ARHGAP15: variants seen among roughly 807,000 people sequenced by gnomAD.
ARHGAP15 encodes Rho GTPase activating protein 15.
ARHGAP15 carries 51 observed loss-of-function variants against 63.7 expected under a neutral mutation model. The ratio of observed to expected loss-of-function variants is 0.80; its 90% confidence interval spans 0.64 to 1.01. The LOEUF is 1.01. Among genes scored for constraint, ARHGAP15 ranks in the 50% least tolerant of loss-of-function variants. The pLI, the probability that ARHGAP15 is intolerant of heterozygous loss-of-function variation, is 0.00. For missense variants in ARHGAP15, 560 were observed against 564.6 expected, an observed-to-expected ratio of 0.99 and a Z score of 0.08; for synonymous variants, 191 against 193.8, an observed-to-expected ratio of 0.99 and a Z score of 0.12.
At chr2:143,307,972 T>C (rs1683254198) in intron 6 of ARHGAP15, among the ~76,000 whole-genome samples, 1 of 152,170 alleles carries the variant, frequency 6.6e-6, no homozygotes, top group Non-Finnish European at 1.5e-5. Context: ...CACAGTTTTA[T>C]ACCTTTCTTG....
chr2:143,677,062 T>A (rs1489781140), intron 12 of ARHGAP15, among the ~76,000 whole-genome samples: 1 of 152,248 alleles, frequency 6.6e-6, no homozygotes, highest in Non-Finnish European at 1.5e-5. Flanking sequence ...ATTTATGGTA[T>A]GTTTCAGTTT....
chr2:143,444,944 G>A (rs1690062043), intron 8 of ARHGAP15, among the ~76,000 whole-genome samples: 1 of 151,912 alleles, frequency 6.6e-6, no homozygotes, highest in African/African-American at 2.4e-5. Context: ...TCTTTCTTTG[G>A]TTATTTAAGT....
At position 143,638,092 on chromosome 2, in the gene ARHGAP15, G is replaced by A. The variant is rs1389869477; in HGVS notation, c.1138+13825G>A. On this transcript the variant is annotated intron_variant, in intron 12 of 13. Coordinates refer to ENST00000295095, the MANE Select transcript of ARHGAP15 (RefSeq NM_018460.4). ...TTCAACCATTGTGGAAGTCAGTGTG[G>A]CGATTCCTCAGGGATCTAGAACTGG... 2.1e-5 allele frequency among the ~76,000 whole-genome samples: 3 copies of A among 143,788 alleles called. No individual in the cohort carries two copies. In the Admixed American group the frequency reaches 2.1e-4, roughly 10 times the overall value. 94.3% of individuals were successfully genotyped at this position (143,788 alleles called of 152,430 possible). A position where few individuals can be genotyped will look rare whatever the true frequency, so the allele number is the denominator to read the frequency against.
chr2:143,494,407 C>T (rs983658130), intron 9 of ARHGAP15, among the ~76,000 whole-genome samples: 2 of 152,058 alleles, frequency 1.3e-5, no homozygotes, highest in Admixed American at 1.3e-4. Flanking sequence ...ACTGTGTTGA[C>T]CACTCTACTC....
In ARHGAP15 at chr2:143,709,156, AAAAT is replaced by A. The variant is rs1311581369; in HGVS notation, c.1244+5640_1244+5643del. On this transcript the variant is annotated intron_variant, in intron 13 of 13. Coordinates refer to ENST00000295095, the MANE Select transcript of ARHGAP15 (RefSeq NM_018460.4). ...TAATACATAATTATGGAAAATTTAG[AAAAT>A]AAATAAAGTCTTTCCACAGAGCTAA... Among the ~76,000 whole-genome samples the A allele has an allele frequency of 6.6e-5, 10 of 152,308 alleles. No homozygotes were observed. In the East Asian group the frequency reaches 1.2e-3, roughly 18 times the overall value.
chr2:143,538,922 T>C (rs1370473562), intron 10 of ARHGAP15, among the ~76,000 whole-genome samples: 3 of 152,210 alleles, frequency 2.0e-5, no homozygotes, highest in South Asian at 4.2e-4. Context: ...ATTCCCTCTT[T>C]TTCTCTTGAT....
At chr2:143,735,337 C>T (rs756375126) in intron 13 of ARHGAP15, among the ~76,000 whole-genome samples, 1 of 152,124 alleles carries the variant, frequency 6.6e-6, no homozygotes, top group South Asian at 2.1e-4. Flanking sequence ...GAAAATTCCA[C>T]AATCAGACGT....
At chr2:143,672,482 G>T (rs904333413) in intron 12 of ARHGAP15, among the ~76,000 whole-genome samples, 1 of 152,126 alleles carries the variant, frequency 6.6e-6, no homozygotes, top group African/African-American at 2.4e-5. Flanking sequence ...TGTCACTACA[G>T]ATATTTTGTG....
intron 6 of ARHGAP15, among the ~76,000 whole-genome samples, chr2:143,301,338 C>T (rs1407544461): frequency 6.6e-6 from 1 of 151,814 alleles, no homozygotes; most frequent in Non-Finnish European, 1.5e-5. Flanking sequence ...TCAGTATTTG[C>T]CTCTTGTCAT....
intron 6 of ARHGAP15, among the ~76,000 whole-genome samples, chr2:143,385,885 A>G (rs191438820): frequency 6.6e-6 from 1 of 152,292 alleles, no homozygotes; most frequent in Admixed American, 6.5e-5. Context: ...CAGAAGAGAC[A>G]GAACTATAAG....
At chr2:143,680,794 G>A (rs1163586159) in intron 12 of ARHGAP15, among the ~76,000 whole-genome samples, 1 of 152,124 alleles carries the variant, frequency 6.6e-6, no homozygotes, top group Admixed American at 6.6e-5. Flanking sequence ...TACATAAAAA[G>A]CAACAAAACA....
intron 9 of ARHGAP15, among the ~76,000 whole-genome samples, chr2:143,506,023 A>G (rs545795474): frequency 2.1e-4 from 32 of 152,358 alleles, no homozygotes; most frequent in Admixed American, 2.1e-3. Context: ...ATTTGAAATC[A>G]TTAAGCAGTT....
chr2:143,516,724 C>CATCA (rs1448199821), intron 9 of ARHGAP15, among the ~76,000 whole-genome samples: 1 of 152,132 alleles, frequency 6.6e-6, no homozygotes, highest in Non-Finnish European at 1.5e-5. Flanking sequence ...ATCATTTGAT[C>CATCA]TGATCTACTG....
intron 6 of ARHGAP15, among the ~76,000 whole-genome samples, chr2:143,315,634 A>T (rs1683667843): frequency 6.6e-6 from 1 of 152,208 alleles, no homozygotes; most frequent in Non-Finnish European, 1.5e-5. Flanking sequence ...CAGAAATAAC[A>T]GTTACAGAAT....
At chr2:143,412,671 T>A (rs1443207058) in intron 6 of ARHGAP15, among the ~76,000 whole-genome samples, 1 of 152,186 alleles carries the variant, frequency 6.6e-6, no homozygotes, top group African/African-American at 2.4e-5. Context: ...AATTTATTTA[T>A]CCTGGTTGAG....
At chr2:143,488,007 A>G (rs1692403314) in intron 9 of ARHGAP15, among the ~76,000 whole-genome samples, 2 of 152,254 alleles carry the variant, frequency 1.3e-5, no homozygotes, top group African/African-American at 4.8e-5. Flanking sequence ...CTGGCAGTCT[A>G]AAAACTCAAT....
chr2:143,586,903 C>T (rs868103393), intron 11 of ARHGAP15, among the ~76,000 whole-genome samples: 64 of 152,076 alleles, frequency 4.2e-4, no homozygotes, highest in African/African-American at 1.5e-3. Context: ...CTCTCAATCT[C>T]TCTCTCTCTC....
intron 6 of ARHGAP15, among the ~76,000 whole-genome samples, chr2:143,287,363 G>A (rs1163821518): frequency 6.6e-6 from 1 of 151,994 alleles, no homozygotes; most frequent in Non-Finnish European, 1.5e-5. Flanking sequence ...CTTGTCTTCT[G>A]CTCGGTTTCA....
intron 6 of ARHGAP15, among the ~76,000 whole-genome samples, chr2:143,300,015 C>A (rs1219702742): frequency 6.6e-6 from 1 of 151,976 alleles, no homozygotes; most frequent in Non-Finnish European, 1.5e-5. Flanking sequence ...CAGCAAGATA[C>A]TTACCTCATG....
Sources: allele counts gnomAD v4.1 joint callset (sites outside exome capture counted in the v4.1 genomes callset), GRCh38; gene constraint gnomAD v4.1.1; transcripts MANE v1.5; gene names NCBI Gene and HGNC (gene_info 2026-07-23, HGNC 2026-07-21).